The following CALD1 variants were observed in gnomAD, a reference collection of about 807,000 sequenced individuals.
CALD1 encodes caldesmon.
A neutral mutation model predicts 99.9 loss-of-function variants in CALD1; 33 were observed. The ratio of observed to expected loss-of-function variants is 0.33; its 90% CI spans 0.25 to 0.44. The LOEUF (loss-of-function observed/expected upper bound fraction) is 0.44. Among genes scored for constraint, CALD1 ranks in the 20% least tolerant of loss-of-function variants. CALD1 has a pLI of 1.00. For missense variants in CALD1, 861 were observed against 962.1 expected, an observed-to-expected ratio of 0.89 and a Z score of 1.39; for synonymous variants, 310 against 325.0, an observed-to-expected ratio of 0.95 and a Z score of 0.50.
chr7:134,767,468 TC>T (rs1796837745), intron 1 of CALD1, among the ~76,000 whole-genome samples: 1 of 152,178 alleles, frequency 6.6e-6, no homozygotes, highest in Admixed American at 6.5e-5. Flanking sequence ...CCAAAATAGA[TC>T]AAATATTTTA....
the CALD1 span, among the ~76,000 whole-genome samples, chr7:134,726,685 T>C: frequency 6.6e-6 from 1 of 151,938 alleles, no homozygotes; most frequent in Non-Finnish European, 1.5e-5. Flanking sequence ...AGTCAGGGCT[T>C]TATAATTGCA....
chr7:134,912,122 G>C (rs538681689), intron 3 of CALD1, among the ~76,000 whole-genome samples: 1 of 152,192 alleles, frequency 6.6e-6, no homozygotes, highest in Non-Finnish European at 1.5e-5. Context: ...AAGCTTTACT[G>C]ATGTTCGTTA....
chr7:134,881,892 C>T (rs145878756), intron 3 of CALD1, among the ~76,000 whole-genome samples: 16 of 152,268 alleles, frequency 1.1e-4, no homozygotes, highest in Middle Eastern at 3.4e-3. Flanking sequence ...AAAATGCAGA[C>T]GATTTAAAAT....
chr7:134,824,013 C>T (rs1449878256), intron 1 of CALD1, among the ~76,000 whole-genome samples: 2 of 152,104 alleles, frequency 1.3e-5, no homozygotes, highest in African/African-American at 4.8e-5. Flanking sequence ...TTAAGAATAA[C>T]AAAACAGTTT....
chr7:134,913,823 T>C (rs887471990), intron 3 of CALD1, among the ~76,000 whole-genome samples: 3 of 152,214 alleles, frequency 2.0e-5, no homozygotes, highest in African/African-American at 7.2e-5. Flanking sequence ...AAAACTTTAT[T>C]TGCAAAAACA....
upstream of CALD1, among the ~76,000 whole-genome samples, chr7:134,742,142 G>A (rs888631459): frequency 6.6e-6 from 1 of 151,912 alleles, no homozygotes; most frequent in Admixed American, 6.5e-5. Flanking sequence ...CTGCTTCATT[G>A]TTAAATTTCA....
intron 1 of CALD1, among the ~76,000 whole-genome samples, chr7:134,825,410 C>T (rs888256555): frequency 3.9e-5 from 6 of 151,984 alleles, no homozygotes; most frequent in Admixed American, 2.6e-4. Context: ...TCTTTCCAAG[C>T]ATTTATTTTT....
intron 3 of CALD1, among the ~76,000 whole-genome samples, chr7:134,907,046 A>G (rs1044631054): frequency 6.6e-6 from 1 of 152,216 alleles, no homozygotes; most frequent in East Asian, 1.9e-4. Flanking sequence ...CACAGATACT[A>G]TAACTACGAA....
chr7:134,935,642 G>A (rs1805910199), intron 5 of CALD1, 46 bp from the exon 6 acceptor site: 1 of 1,571,202 alleles, frequency 6.4e-7, no homozygotes, highest in African/African-American at 1.4e-5. Context: ...AAACTAGAAA[G>A]GGCTTCTTTT....
At chr7:134,758,958 G>C (rs1315933442) in intron 1 of CALD1, among the ~76,000 whole-genome samples, 1 of 152,266 alleles carries the variant, frequency 6.6e-6, no homozygotes, top group South Asian at 2.1e-4. Context: ...TCCAAATCAA[G>C]GTTGTTTAAA....
At chr7:134,739,905 T>C (rs1562986325), upstream of CALD1, among the ~76,000 whole-genome samples, 1 of 151,368 alleles carries the variant, frequency 6.6e-6, no homozygotes, top group East Asian at 1.9e-4. Flanking sequence ...ATTTTATTCT[T>C]AAGTCACCTA....
At chr7:134,938,210 A>G (rs996479764) in intron 6 of CALD1, among the ~76,000 whole-genome samples, 12 of 152,212 alleles carry the variant, frequency 7.9e-5, no homozygotes, top group Non-Finnish European at 2.9e-5. Flanking sequence ...GAAGCTAACA[A>G]AAGCACGTAA....
intron 1 of CALD1, among the ~76,000 whole-genome samples, chr7:134,744,904 C>T (rs1487181604): frequency 1.3e-5 from 2 of 152,142 alleles, no homozygotes; most frequent in Non-Finnish European, 2.9e-5. Flanking sequence ...ACTTTACTTC[C>T]ATGTCTTTCA....
chr7:134,878,323 C>T (rs540969345), intron 3 of CALD1, among the ~76,000 whole-genome samples: 1 of 152,274 alleles, frequency 6.6e-6, no homozygotes, highest in East Asian at 1.9e-4. Flanking sequence ...AATGTCAGCA[C>T]TTTGGGAGGC....
intron 6 of CALD1, among the ~76,000 whole-genome samples, chr7:134,940,752 C>T (rs1407024936): frequency 6.6e-6 from 1 of 152,208 alleles, no homozygotes; most frequent in Non-Finnish European, 1.5e-5. Flanking sequence ...AATAATTGCT[C>T]TTCCCAGTGG....
At chr7:134,770,109 T>C (rs953217958) in intron 1 of CALD1, among the ~76,000 whole-genome samples, 1 of 152,198 alleles carries the variant, frequency 6.6e-6, no homozygotes, top group Non-Finnish European at 1.5e-5. Flanking sequence ...TAATTACCTT[T>C]CTCTTTGTAA....
intron 14 of CALD1, among the ~76,000 whole-genome samples, chr7:134,966,149 C>T (rs1051172590): frequency 1.3e-5 from 2 of 152,158 alleles, no homozygotes; most frequent in Non-Finnish European, 2.9e-5. Context: ...AAGGTTAGAA[C>T]AGGCTGCTTA....
At chr7:134,958,625 C>G (rs1018750501) in intron 11 of CALD1, among the ~76,000 whole-genome samples, 1 of 151,480 alleles carries the variant, frequency 6.6e-6, no homozygotes, top group Non-Finnish European at 1.5e-5. Flanking sequence ...AGGCAGGTCT[C>G]GAATTCCTGA....
chr7:134,927,624 T>G (rs1311219380), intron 3 of CALD1, among the ~76,000 whole-genome samples: 1 of 150,754 alleles, frequency 6.6e-6, no homozygotes, highest in Non-Finnish European at 1.5e-5. Context: ...TCTTCTGCCT[T>G]CTTCAGCTCA....
Sources: allele counts gnomAD v4.1 joint callset (sites outside exome capture counted in the v4.1 genomes callset), GRCh38; gene constraint gnomAD v4.1.1; transcripts MANE v1.5; gene names NCBI Gene and HGNC (gene_info 2026-07-23, HGNC 2026-07-21).